The following FRMD6 variants were observed in gnomAD, a reference collection of about 807,000 sequenced individuals.
FRMD6 encodes the protein FERM domain-containing protein 6.
Under a neutral mutation model 73.2 loss-of-function variants are expected in FRMD6, and 37 were observed. The observed-to-expected ratio is 0.51, with a 90% CI of 0.39 to 0.66. The LOEUF (loss-of-function observed/expected upper bound fraction) is 0.66. FRMD6 is among the 30% of genes least tolerant of loss of function. The probability of loss-of-function intolerance (pLI) is 0.00; values close to 1 mark genes in which losing one functional copy is unlikely to be tolerated. For missense variants in FRMD6, 714 were observed against 780.5 expected, an observed-to-expected ratio of 0.91 and a Z score of 1.02; for synonymous variants, 273 against 282.2, an observed-to-expected ratio of 0.97 and a Z score of 0.33.
chr14:51,448,234 A>T, the FRMD6 span, among the ~76,000 whole-genome samples: 9 of 152,228 alleles, frequency 5.9e-5, no homozygotes, highest in Non-Finnish European at 1.3e-4. Context: ...ATTTCCAATT[A>T]TATAGATAGC....
chr14:51,540,721 A>AGG (rs1886160836), intron 1 of FRMD6, among the ~76,000 whole-genome samples: 3 of 117,458 alleles, frequency 2.6e-5, no homozygotes, highest in Non-Finnish European at 5.2e-5. Context: ...TTTTAGTTGG[A>AGG]GTAGATAATT....
chr14:51,513,881 C>T (rs532135434), intron 1 of FRMD6, among the ~76,000 whole-genome samples: 56 of 152,322 alleles, frequency 3.7e-4, no homozygotes, highest in Admixed American at 8.5e-4. Context: ...TAAGCTTCCC[C>T]AGCTCCCATG....
intron 2 of FRMD6, among the ~76,000 whole-genome samples, chr14:51,691,430 G>A (rs1384086745): frequency 6.6e-6 from 1 of 151,970 alleles, no homozygotes. Context: ...TCAGTGTCAT[G>A]CCTAAGATTT....
the FRMD6 span, among the ~76,000 whole-genome samples, chr14:51,444,220 C>T: frequency 2.0e-5 from 3 of 152,366 alleles, no homozygotes; most frequent in South Asian, 2.1e-4. Context: ...TGAGCCACCA[C>T]GCCCAGCAGT....
the FRMD6 span, among the ~76,000 whole-genome samples, chr14:51,477,832 G>C: frequency 6.6e-6 from 1 of 150,706 alleles, no homozygotes; most frequent in Admixed American, 6.6e-5. Context: ...CTCTGTCCCT[G>C]GGGTTCAAGT....
intron 2 of FRMD6, among the ~76,000 whole-genome samples, chr14:51,640,537 G>A (rs1330441177): frequency 1.3e-5 from 2 of 152,172 alleles, no homozygotes; most frequent in Non-Finnish European, 2.9e-5. Context: ...AGTCTAAGTG[G>A]AAATCAGGCA....
the FRMD6 span, among the ~76,000 whole-genome samples, chr14:51,456,002 C>G: frequency 1.1e-4 from 16 of 152,226 alleles, no homozygotes; most frequent in Admixed American, 2.0e-4. Context: ...GTGGGTGAAG[C>G]CTGCAGGATC....
the FRMD6 span, among the ~76,000 whole-genome samples, chr14:51,475,111 G>A: frequency 6.6e-6 from 1 of 152,100 alleles, no homozygotes; most frequent in South Asian, 2.1e-4. Context: ...GCCAAGACAT[G>A]CTCTCTCTCT....
At chr14:51,612,011 A>T (rs1316028515) in intron 2 of FRMD6, among the ~76,000 whole-genome samples, 1 of 152,206 alleles carries the variant, frequency 6.6e-6, no homozygotes, top group Non-Finnish European at 1.5e-5. Flanking sequence ...AATTATATCA[A>T]ATGTTAATAA....
intron 2 of FRMD6, among the ~76,000 whole-genome samples, chr14:51,591,542 A>G (rs1193777764): frequency 2.0e-5 from 3 of 152,200 alleles, no homozygotes; most frequent in African/African-American, 7.2e-5. Context: ...TCAGAGTACT[A>G]AAGATTAATT....
chr14:51,577,274 A>G (rs1424446943), intron 2 of FRMD6, among the ~76,000 whole-genome samples: 1 of 152,078 alleles, frequency 6.6e-6, no homozygotes, highest in African/African-American at 2.4e-5. Context: ...TCCAATGGAA[A>G]AAAAAAAAGA....
chr14:51,437,480 T>A, the FRMD6 span, among the ~76,000 whole-genome samples: 2 of 152,202 alleles, frequency 1.3e-5, no homozygotes, highest in Non-Finnish European at 2.9e-5. Context: ...TTTTTTGTAT[T>A]TTTAGTAGAG....
chr14:51,683,045 C>G lies in FRMD6; in HGVS notation c.-146-6646C>G, dbSNP rs192550119. Among the ~76,000 whole-genome samples the G allele has an allele frequency of 3.9e-5, 6 of 152,296 alleles. No homozygotes were observed. In the East Asian group the frequency reaches 1.2e-3, roughly 29 times the overall value. The stretch of plus-strand genomic sequence containing the variant: ...ACATTTCAACCCATACACCCATACG[C>G]ACTGTCTTTCAGTACATAAAATTTC... On this transcript the variant is annotated intron_variant, in intron 1 of 13. Coordinates refer to ENST00000344768, the MANE Select transcript of FRMD6 (RefSeq NM_001267046.2).
intron 2 of FRMD6, among the ~76,000 whole-genome samples, chr14:51,608,949 G>T (rs1387614878): frequency 6.6e-6 from 1 of 151,968 alleles, no homozygotes; most frequent in African/African-American, 2.4e-5. Flanking sequence ...TACAAGGAGG[G>T]CATGTGCACC....
At chr14:51,572,330 G>A (rs559698699) in intron 2 of FRMD6, among the ~76,000 whole-genome samples, 4 of 152,304 alleles carry the variant, frequency 2.6e-5, no homozygotes, top group Admixed American at 6.5e-5. Flanking sequence ...AGCAAAACAC[G>A]TCATCAGTTG....
At chr14:51,650,632 T>G (rs1246177968), upstream of FRMD6, 1 of 151,238 alleles carries the variant, frequency 6.6e-6, no homozygotes, top group African/African-American at 2.4e-5. Context: ...CCTGACCTCG[T>G]GATCCGCCCG....
the FRMD6 span, among the ~76,000 whole-genome samples, chr14:51,422,945 T>C: frequency 6.6e-6 from 1 of 152,200 alleles, no homozygotes; most frequent in Admixed American, 6.5e-5. Context: ...GCAGAAGTGA[T>C]GTATGTCACT....
chr14:51,493,861 C>T (rs1157198314), intron 1 of FRMD6, among the ~76,000 whole-genome samples: 2 of 152,100 alleles, frequency 1.3e-5, no homozygotes, highest in Non-Finnish European at 1.5e-5. Context: ...CATAAATTTG[C>T]ATGGCTTATG....
At chr14:51,535,415 G>T (rs535368583) in intron 1 of FRMD6, among the ~76,000 whole-genome samples, 4 of 152,144 alleles carry the variant, frequency 2.6e-5, no homozygotes, top group African/African-American at 9.6e-5. Context: ...CTATAGATTT[G>T]CCTATTCTGG....
Sources: allele counts gnomAD v4.1 joint callset (sites outside exome capture counted in the v4.1 genomes callset), GRCh38; gene constraint gnomAD v4.1.1; transcripts MANE v1.5; gene names NCBI Gene and HGNC (gene_info 2026-07-23, HGNC 2026-07-21).